The following MBTD1 variants were observed in gnomAD, a reference collection of about 807,000 sequenced individuals.
MBTD1 encodes the protein mbt domain containing 1.
In MBTD1, 24 loss-of-function variants were observed where a neutral mutation model predicts 87.8. The observed-to-expected ratio is 0.27, with a 90% CI of 0.20 to 0.38. The LOEUF is 0.38. Ranked by LOEUF, MBTD1 falls within the 10% of genes least tolerant of loss-of-function variation. The pLI is 1.00. For synonymous variants in MBTD1, 237 were observed against 248.6 expected (o/e 0.95, Z 0.44); for missense variants, 436 against 760.2 (o/e 0.57, Z 5.02).
intron 1 of MBTD1, among the ~76,000 whole-genome samples, 154 bp from the exon 2 acceptor site, chr17:51,259,360 T>G (rs2055307040): frequency 6.6e-6 from 1 of 151,924 alleles, no homozygotes; most frequent in African/African-American, 2.4e-5. Flanking sequence ...CCTTTCAATA[T>G]TTCCACCTCC....
intron 14 of MBTD1, 77 bp downstream of exon 14, chr17:51,193,351 G>T (rs2050903616): frequency 3.1e-6 from 3 of 972,956 alleles, no homozygotes; most frequent in Admixed American, 4.6e-5. Context: ...ACAAGGCAAA[G>T]ACATTTTTAT....
chr17:51,253,675 T>C (rs1362688911), intron 2 of MBTD1, among the ~76,000 whole-genome samples: 1 of 152,188 alleles, frequency 6.6e-6, no homozygotes, highest in African/African-American at 2.4e-5. Context: ...TATTTTTCTT[T>C]TTTAAAACAT....
chr17:51,203,780 A>C lies in MBTD1; in HGVS notation c.739+11T>G. 2 of 1,603,854 alleles carry C rather than the reference A, an allele frequency of 1.2e-6. No homozygotes were observed. The highest frequency in any genetic ancestry group is 1.7e-6 in the Non-Finnish European group (2 of 1,177,432). Reference sequence around the variant, plus strand: ...TAAAAAAATTACGGTAAGGGTAAATAAACTACTTACTTCTAGGAGGAACAA... The same window carrying C: ...TAAAAAAATTACGGTAAGGGTAAATCAACTACTTACTTCTAGGAGGAACAA... On this transcript the variant is annotated intron_variant, in intron 8 of 16. Transcript: ENST00000586178.
chr17:51,183,130 G>GC (rs2050389036), intron 16 of MBTD1: 1 of 148,828 alleles, frequency 6.7e-6, no homozygotes, highest in African/African-American at 2.5e-5. Context: ...AAAAATAATG[G>GC]CTGCTGACAT....
At chr17:51,198,949 C>T (rs2051300645) in intron 12 of MBTD1, among the ~76,000 whole-genome samples, 1 of 152,038 alleles carries the variant, frequency 6.6e-6, no homozygotes, top group Non-Finnish European at 1.5e-5. Flanking sequence ...ATTATAGGTA[C>T]ACACCACCAC....
At position 51,203,889 on chromosome 17, in the gene MBTD1, T is replaced by C. The variant is rs767535063; in HGVS notation, c.641A>G (p.Asn214Ser). 6.2e-7 allele frequency: 1 copy of C among 1,612,292 alleles called. No individual in the cohort carries two copies. Among genetic ancestry groups the C allele is most frequent in the Admixed American group, 1.7e-5 (1 of 59,364 alleles). The change falls in exon 8 of 17, where the codon AAT (asparagine) becomes AGT (serine). Residue 214 changes from asparagine to serine, a missense_variant. Asn to Ser is a conservative substitution (Grantham distance 46). This residue lies in a region of MBTD1 where 268 missense variants were observed against 401.8 expected (regional missense o/e 0.67). Coordinates refer to ENST00000586178, the MANE Select transcript of MBTD1 (RefSeq NM_017643.3). ...NALLRYEGFE[N>S]DSGLDFWCNI... ...GCACCAGAAGTCCAGACCAGAGTCA[T>C]TTTCAAATCCTTCATATCTTAAAAG... is the stretch of plus-strand genomic sequence containing the variant.
At chr17:51,251,943 T>C (rs138955754) in intron 2 of MBTD1, among the ~76,000 whole-genome samples, 176 of 152,268 alleles carry the variant, frequency 1.2e-3, no homozygotes, top group African/African-American at 3.9e-3. Context: ...TTTTGTATTT[T>C]TGGTAGAGAC....
At chr17:51,195,576 A>G (rs2051052404) in intron 12 of MBTD1, among the ~76,000 whole-genome samples, 1 of 152,222 alleles carries the variant, frequency 6.6e-6, no homozygotes, top group Admixed American at 6.5e-5. Flanking sequence ...AGGATTACCT[A>G]TAACTGACCT....
At chr17:51,228,501 A>C (rs2053362848) in intron 2 of MBTD1, among the ~76,000 whole-genome samples, 1 of 151,764 alleles carries the variant, frequency 6.6e-6, no homozygotes, top group African/African-American at 2.4e-5. Flanking sequence ...AAAAAAAAAA[A>C]AAAACAAGAC....
chr17:51,250,993 C>T (rs1023572330), intron 2 of MBTD1: 1 of 152,086 alleles, frequency 6.6e-6, no homozygotes, highest in African/African-American at 2.4e-5. Context: ...GTTTAATCTA[C>T]TTTGTGTTCA....
rs780254349 is a variant in MBTD1, at chr17:51,202,792, A to G, written c.972T>C (p.Asp324=). 3.1e-6 allele frequency: 5 copies of G among 1,614,142 alleles called. No homozygotes were observed. The highest frequency in any genetic ancestry group is 3.4e-6 in the Non-Finnish European group (4 of 1,180,022). ...RLRLVYEESE[D]RTDDFWCHMH... is the part of the protein sequence containing the mutation. ...TATGGCACCAGAAGTCATCTGTTCT[A>G]TCTTCGCTTTCTTCATACACTAGTC... Residue 324 remains aspartate, a synonymous_variant, in exon 10 of 17, where the codon GAT becomes GAC. Coordinates refer to ENST00000586178, the MANE Select transcript of MBTD1 (RefSeq NM_017643.3).
upstream of MBTD1, chr17:51,260,710 T>G: frequency 6.2e-7 from 1 of 1,601,532 alleles, no homozygotes; most frequent in Non-Finnish European, 8.5e-7. Flanking sequence ...CCCAAAAGCC[T>G]GCCCCTTCAT....
Position 51,225,223 on chromosome 17 carries a change from G to T in MBTD1, c.-48-14C>A. 1 of 1,442,376 alleles carries T rather than the reference G, an allele frequency of 6.9e-7. No homozygotes were observed. Among genetic ancestry groups the T allele is most frequent in the Non-Finnish European group, 9.2e-7 (1 of 1,085,238 alleles). The allele number at this position is 1,442,376 out of a possible 1,614,324, so 89.3% of individuals were successfully genotyped here. ...AGAATGTTCAGTCTTTGAAGTAAGAGAAACCAGTGACACATGACACAACAC... is the reference window on the plus strand; with the variant it reads ...AGAATGTTCAGTCTTTGAAGTAAGATAAACCAGTGACACATGACACAACAC... On this transcript the variant is annotated splice_polypyrimidine_tract_variant and intron_variant, in intron 2 of 16. Transcript: ENST00000586178.
rs1032537367 is a variant in MBTD1 at position 51,254,509 on chromosome 17, T to C, written c.-49+4634A>G. 7.9e-5 allele frequency among the ~76,000 whole-genome samples: 12 copies of C among 152,264 alleles called. No individual in the cohort carries two copies. In the East Asian group the frequency reaches 9.6e-4, roughly 12 times the overall value. ...AATGGAAAAGTACCCAGGAGAATGA[T>C]AGGAGAGGACAATATTCTACATAGC... On this transcript the variant is annotated intron_variant, in intron 2 of 16. Transcript: ENST00000586178.
chr17:51,202,783 A>T lies in MBTD1; in HGVS notation c.981T>A (p.Asp327Glu). Residue 327 changes from aspartate to glutamate, a missense_variant, in exon 10 of 17, where the codon GAT (aspartate) becomes GAA (glutamate). Physicochemically the swap from Asp to Glu is conservative, Grantham distance 45. This residue lies in a region of MBTD1 where 268 missense variants were observed against 401.8 expected (regional missense o/e 0.67). Coordinates refer to ENST00000586178, the MANE Select transcript of MBTD1 (RefSeq NM_017643.3). ...LVYEESEDRT[D>E]DFWCHMHSPL... ...GGCTGTGCATATGGCACCAGAAGTC[A>T]TCTGTTCTATCTTCGCTTTCTTCAT... The T allele has an allele frequency of 6.2e-7, 1 of 1,614,140 alleles. No individual in the cohort carries two copies. The highest frequency in any genetic ancestry group is 8.5e-7 in the Non-Finnish European group (1 of 1,180,004).
intron 2 of MBTD1, among the ~76,000 whole-genome samples, chr17:51,236,970 T>C (rs1333059752): frequency 2.6e-5 from 4 of 152,008 alleles, no homozygotes; most frequent in Admixed American, 2.0e-4. Flanking sequence ...GCAAGAAGTT[T>C]TTAGCTATGA....
intron 12 of MBTD1, among the ~76,000 whole-genome samples, chr17:51,195,709 C>T (rs1466530111): frequency 6.6e-6 from 1 of 152,216 alleles, no homozygotes; most frequent in East Asian, 1.9e-4. Context: ...CCAAATCCTA[C>T]TTGGTAACAC....
upstream of MBTD1, chr17:51,260,584 G>A (rs779135385): frequency 1.7e-5 from 28 of 1,611,634 alleles, no homozygotes; most frequent in Non-Finnish European, 2.3e-5. Flanking sequence ...CAAACCTAAC[G>A]ATGCCGCCGG....
chr17:51,243,480 A>G (rs1179841727), intron 2 of MBTD1, among the ~76,000 whole-genome samples: 1 of 152,208 alleles, frequency 6.6e-6, no homozygotes, highest in Non-Finnish European at 1.5e-5. Context: ...AAAATAATTC[A>G]ATGTGCATTT....
Sources: gnomAD v4.1 joint callset for allele counts (sites outside exome capture counted in the v4.1 genomes callset) on GRCh38, gnomAD v4.1.1 for gene constraint, gnomAD v4.1.1 regional missense constraint, MANE v1.5 for transcripts, NCBI Gene and HGNC (gene_info 2026-07-23, HGNC 2026-07-21) for gene names.